Variants in SHISA9 observed in about 807,000 individuals in gnomAD.
SHISA9 encodes protein shisa-9.
A neutral mutation model predicts 38.0 loss-of-function variants in SHISA9; 13 were observed. That is an observed-to-expected ratio of 0.34 (90% CI 0.22 to 0.54). The LOEUF (loss-of-function observed/expected upper bound fraction) is 0.54, where lower values mean the gene tolerates loss of function less well. Ranked by LOEUF, SHISA9 falls within the 20% of genes least tolerant of loss-of-function variation. The probability of loss-of-function intolerance (pLI) is 0.91; values close to 1 mark genes in which losing one functional copy is unlikely to be tolerated. For missense variants in SHISA9, 538 were observed against 575.8 expected, an observed-to-expected ratio of 0.93 and a Z score of 0.67; for synonymous variants, 275 against 242.0, an observed-to-expected ratio of 1.14 and a Z score of -1.27.
the SHISA9 span, among the ~76,000 whole-genome samples, chr16:13,313,212 G>A: frequency 2.2e-5 from 3 of 137,426 alleles, no homozygotes; most frequent in East Asian, 2.1e-4. Flanking sequence ...CCGAGATCCC[G>A]CCACTGCACT....
intron 2 of SHISA9, among the ~76,000 whole-genome samples, chr16:13,015,898 C>CT (rs1176382487): frequency 8.7e-6 from 1 of 114,768 alleles, no homozygotes; most frequent in African/African-American, 3.4e-5. Context: ...TTCTTTCTTT[C>CT]TTTCTTTCTT....
the SHISA9 span, among the ~76,000 whole-genome samples, chr16:13,327,119 GATTACTC>G: frequency 6.6e-6 from 1 of 152,146 alleles, no homozygotes; most frequent in Non-Finnish European, 1.5e-5. Flanking sequence ...CACTGAACAT[GATTACTC>G]TATGTGAAAG....
intron 2 of SHISA9, among the ~76,000 whole-genome samples, chr16:13,018,019 A>G (rs1281616884): frequency 1.3e-5 from 2 of 152,298 alleles, no homozygotes; most frequent in South Asian, 2.1e-4. Flanking sequence ...CTTCCTTATA[A>G]CAACCAAGAC....
chr16:13,267,348 A>G, the SHISA9 span, among the ~76,000 whole-genome samples: 1 of 152,174 alleles, frequency 6.6e-6, no homozygotes, highest in African/African-American at 2.4e-5. Context: ...TGGCAATACT[A>G]TTTTCAGCTG....
At chr16:13,368,592 G>T in the SHISA9 span, among the ~76,000 whole-genome samples, 2 of 152,062 alleles carry the variant, frequency 1.3e-5, no homozygotes, top group African/African-American at 2.4e-5. Flanking sequence ...TTTAAAAGAC[G>T]TATCCAGCTG....
the SHISA9 span, among the ~76,000 whole-genome samples, chr16:13,490,027 A>C: frequency 6.6e-6 from 1 of 152,218 alleles, no homozygotes; most frequent in African/African-American, 2.4e-5. Flanking sequence ...GCAATATTCA[A>C]CCACTTTAAC....
At chr16:13,259,031 C>CT in the SHISA9 span, among the ~76,000 whole-genome samples, 31 of 152,322 alleles carry the variant, frequency 2.0e-4, no homozygotes, top group Non-Finnish European at 4.0e-4. Flanking sequence ...CCAAAGTCAT[C>CT]TGAGACAAGG....
chr16:13,218,722 T>C (rs1447526818), intron 4 of SHISA9, among the ~76,000 whole-genome samples: 1 of 152,200 alleles, frequency 6.6e-6, no homozygotes, highest in Non-Finnish European at 1.5e-5. Context: ...GTCTAGCCCA[T>C]AGTAGGTACT....
At chr16:13,389,977 G>A in the SHISA9 span, among the ~76,000 whole-genome samples, 2 of 152,228 alleles carry the variant, frequency 1.3e-5, no homozygotes, top group Middle Eastern at 3.4e-3. Context: ...ACAATACTGG[G>A]TTAGGCACCT....
chr16:13,003,719 A>T (rs1479072568), intron 2 of SHISA9, among the ~76,000 whole-genome samples: 1 of 152,098 alleles, frequency 6.6e-6, no homozygotes, highest in Non-Finnish European at 1.5e-5. Flanking sequence ...TTAGCCGGGC[A>T]TGGTGGTGTG....
chr16:13,122,664 T>A (rs2050223607), intron 2 of SHISA9, among the ~76,000 whole-genome samples: 1 of 152,234 alleles, frequency 6.6e-6, no homozygotes, highest in South Asian at 2.1e-4. Flanking sequence ...ATTAGCAGAC[T>A]GTCTGTTGTG....
chr16:13,559,354 A>AT, the SHISA9 span, among the ~76,000 whole-genome samples: 842 of 148,324 alleles, frequency 5.7e-3, 7 homozygotes, highest in East Asian at 0.035. Flanking sequence ...GCAAGCATGG[A>AT]TTTTTTTTTT....
chr16:13,394,612 G>A, the SHISA9 span, among the ~76,000 whole-genome samples: 1 of 152,230 alleles, frequency 6.6e-6, no homozygotes, highest in East Asian at 1.9e-4. Context: ...CTCGGTCTAA[G>A]TGTCACTTCT....
intron 2 of SHISA9, among the ~76,000 whole-genome samples, chr16:13,155,234 C>G (rs2050533839): frequency 6.6e-6 from 1 of 151,886 alleles, no homozygotes; most frequent in African/African-American, 2.4e-5. Flanking sequence ...GCTTAGAATG[C>G]AATAGATTGG....
intron 2 of SHISA9, among the ~76,000 whole-genome samples, chr16:13,094,131 A>G (rs1183603803): frequency 6.6e-6 from 1 of 152,186 alleles, no homozygotes; most frequent in Non-Finnish European, 1.5e-5. Flanking sequence ...ACGTTGGGAA[A>G]GAAAAGATTG....
intron 2 of SHISA9, among the ~76,000 whole-genome samples, chr16:12,933,007 G>C (rs1285979816): frequency 6.6e-6 from 1 of 152,084 alleles, no homozygotes; most frequent in Admixed American, 6.5e-5. Context: ...TGCAAATGAG[G>C]GGAGGTAAAT....
At chr16:13,077,583 C>T (rs1476951017) in intron 2 of SHISA9, among the ~76,000 whole-genome samples, 1 of 152,098 alleles carries the variant, frequency 6.6e-6, no homozygotes. Context: ...TGGGGAAACA[C>T]CCAAAAGCCT....
intron 2 of SHISA9, among the ~76,000 whole-genome samples, chr16:13,125,045 C>T (rs993428566): frequency 1.1e-4 from 16 of 152,072 alleles, no homozygotes; most frequent in East Asian, 1.9e-4. Context: ...ATCTCCAGGA[C>T]GTTGAAGTGG....
the SHISA9 span, among the ~76,000 whole-genome samples, chr16:13,533,666 C>A: frequency 2.0e-5 from 3 of 151,992 alleles, no homozygotes; most frequent in Admixed American, 6.6e-5. Context: ...TTATGCAAAG[C>A]CCCTTCTTCT....
Sources: gnomAD v4.1 joint callset for allele counts (sites outside exome capture counted in the v4.1 genomes callset) on GRCh38, gnomAD v4.1.1 for gene constraint, MANE v1.5 for transcripts, NCBI Gene and HGNC (gene_info 2026-07-23, HGNC 2026-07-21) for gene names.